The following NTN1 variants were observed in gnomAD, a reference collection of about 807,000 sequenced individuals.
NTN1 encodes netrin 1.
NTN1 carries 11 observed loss-of-function variants against 54.2 expected under a neutral mutation model. The ratio of observed to expected loss-of-function variants is 0.20; its 90% confidence interval spans 0.13 to 0.34. NTN1 has a LOEUF of 0.34. Ranked by LOEUF, NTN1 falls within the 10% of genes least tolerant of loss-of-function variation. NTN1 has a pLI of 1.00. For synonymous variants in NTN1, 371 were observed against 382.0 expected, an observed-to-expected ratio of 0.97 and a Z score of 0.33; for missense variants, 740 against 893.1, an observed-to-expected ratio of 0.83 and a Z score of 2.18.
At chr17:9,229,704 G>T (rs1905740390) in intron 6 of NTN1, among the ~76,000 whole-genome samples, 1 of 152,136 alleles carries the variant, frequency 6.6e-6, no homozygotes, top group African/African-American at 2.4e-5. Context: ...AGAGGCACTG[G>T]GCATAGTGGC....
chr17:9,241,369 A>G lies in NTN1; in HGVS notation c.*1401A>G, dbSNP rs1207760705. Reference sequence around the variant, plus strand: ...CCCAGCCCTCCTTCCAAAATCTCCTAGAGACACGGTCCTCAAGCAGGCAGC... The same window carrying G: ...CCCAGCCCTCCTTCCAAAATCTCCTGGAGACACGGTCCTCAAGCAGGCAGC... On this transcript the variant is annotated 3_prime_UTR_variant, in exon 7 of 7. Coordinates refer to ENST00000173229, the MANE Select transcript of NTN1 (RefSeq NM_004822.3). 6.5e-6 allele frequency: 1 copy of G among 152,688 alleles called. No individual in the cohort carries two copies. The highest frequency in any genetic ancestry group is 6.5e-5 in the Admixed American group (1 of 15,284). 9.5% of individuals were successfully genotyped at this position (152,688 alleles called of 1,614,324 possible). A position where few individuals can be genotyped will look rare whatever the true frequency, so the allele number is the denominator to read the frequency against.
At chr17:9,128,309 CAAAAA>C (rs11356490) in intron 2 of NTN1, among the ~76,000 whole-genome samples, 1 of 124,084 alleles carries the variant, frequency 8.1e-6, no homozygotes, top group Non-Finnish European at 1.7e-5. Context: ...GACTCTGTCT[CAAAAA>C]AAAAAAAAAA....
intron 2 of NTN1, among the ~76,000 whole-genome samples, chr17:9,150,523 G>A (rs2092324372): frequency 1.3e-5 from 2 of 152,342 alleles, no homozygotes; most frequent in Non-Finnish European, 2.9e-5. Context: ...ACTGGAACGT[G>A]GACGGAGGAT....
intron 2 of NTN1, among the ~76,000 whole-genome samples, chr17:9,105,915 A>T (rs1057313645): frequency 8.2e-5 from 12 of 147,164 alleles, no homozygotes; most frequent in Non-Finnish European, 1.2e-4. Flanking sequence ...ATTCCGATTT[A>T]AAAAAAAAAA....
At chr17:9,035,934 A>G (rs956031246) in intron 2 of NTN1, among the ~76,000 whole-genome samples, 4 of 152,206 alleles carry the variant, frequency 2.6e-5, no homozygotes, top group Admixed American at 6.5e-5. Context: ...AGGCATGAGA[A>G]TTGCCTGAAC....
chr17:9,010,145 C>T, the NTN1 span, among the ~76,000 whole-genome samples: 2 of 152,182 alleles, frequency 1.3e-5, no homozygotes, highest in Non-Finnish European at 2.9e-5. Flanking sequence ...ACCATGTCCC[C>T]AAGGATCTTA....
At chr17:9,229,089 TGACTGA>T (rs1905714874) in intron 6 of NTN1, among the ~76,000 whole-genome samples, 1 of 3,468 alleles carries the variant, frequency 2.9e-4, no homozygotes, top group South Asian at 7.6e-3. Context: ...ACTGTGTGTG[TGACTGA>T]GACTGTGACT....
At chr17:9,096,650 C>T (rs887753090) in intron 2 of NTN1, among the ~76,000 whole-genome samples, 6 of 152,254 alleles carry the variant, frequency 3.9e-5, no homozygotes, top group Non-Finnish European at 5.9e-5. Context: ...GGATTACAGG[C>T]GTGAGCCACC....
intron 2 of NTN1, among the ~76,000 whole-genome samples, chr17:9,070,554 T>C (rs1229999985): frequency 6.6e-6 from 1 of 150,386 alleles, no homozygotes; most frequent in African/African-American, 2.5e-5. Flanking sequence ...TGTCGGGTGC[T>C]GTTGCCACTC....
chr17:9,093,740 G>A (rs550892715), intron 2 of NTN1, among the ~76,000 whole-genome samples: 3 of 152,304 alleles, frequency 2.0e-5, no homozygotes, highest in South Asian at 2.1e-4. Flanking sequence ...TTGGGAAGCC[G>A]AGGCAGGTGG....
chr17:9,183,032 T>C (rs1567731859), intron 5 of NTN1, 63 bp downstream of exon 5: 2 of 1,536,386 alleles, frequency 1.3e-6, no homozygotes, highest in South Asian at 2.2e-5. Context: ...GTGGGGTGGG[T>C]TAATGGGGAA....
At chr17:9,147,056 G>A (rs1430285551) in intron 2 of NTN1, among the ~76,000 whole-genome samples, 1 of 152,136 alleles carries the variant, frequency 6.6e-6, no homozygotes, top group African/African-American at 2.4e-5. Flanking sequence ...CTCTCCATGA[G>A]GAAGAGCTTG....
chr17:9,136,139 C>T (rs1005457840), intron 2 of NTN1, among the ~76,000 whole-genome samples: 1 of 152,210 alleles, frequency 6.6e-6, no homozygotes, highest in Non-Finnish European at 1.5e-5. Flanking sequence ...GGAAATGCTC[C>T]AGCAACAGGC....
At chr17:9,026,293 T>C (rs950631135) in intron 2 of NTN1, among the ~76,000 whole-genome samples, 1 of 152,040 alleles carries the variant, frequency 6.6e-6, no homozygotes, top group Non-Finnish European at 1.5e-5. Context: ...TGGTCCAGTT[T>C]TCTTTTCGGT....
chr17:9,146,704 C>G (rs1234570741), intron 2 of NTN1, among the ~76,000 whole-genome samples: 2 of 152,118 alleles, frequency 1.3e-5, no homozygotes, highest in Non-Finnish European at 2.9e-5. Flanking sequence ...TGCTAGTGAG[C>G]TAGGGATTTG....
At chr17:9,046,945 A>G (rs1308889223) in intron 2 of NTN1, among the ~76,000 whole-genome samples, 3 of 152,248 alleles carry the variant, frequency 2.0e-5, no homozygotes, top group East Asian at 3.8e-4. Flanking sequence ...GAGTATCTCA[A>G]TAAAGCAAGT....
intron 2 of NTN1, among the ~76,000 whole-genome samples, chr17:9,115,238 C>T (rs569120141): frequency 2.6e-4 from 40 of 152,268 alleles, no homozygotes; most frequent in African/African-American, 9.4e-4. Context: ...ACCTTAATAC[C>T]GATTCAGTAA....
In NTN1 at chr17:9,214,770, T is replaced by C. The variant is rs561795522; in HGVS notation, c.1412-6398T>C. On this transcript the variant is annotated intron_variant, in intron 5 of 6. Coordinates refer to ENST00000173229, the MANE Select transcript of NTN1 (RefSeq NM_004822.3). ...CCAGGAGGTGGAGGCTGCAGTGAGC[T>C]GAGATCACGCCACTGCACTCCAGCC... 6.2e-4 allele frequency among the ~76,000 whole-genome samples: 94 copies of C among 152,264 alleles called. 1 individual carries two copies. Among genetic ancestry groups the C allele is most frequent in the East Asian group, 5.2e-3 (27 of 5,184 alleles).
intron 2 of NTN1, among the ~76,000 whole-genome samples, chr17:9,085,398 G>T (rs185108394): frequency 1.3e-5 from 2 of 152,192 alleles, no homozygotes; most frequent in Non-Finnish European, 2.9e-5. Flanking sequence ...TGGAAGTTAC[G>T]CGTGTCATTT....
Sources: gnomAD v4.1 joint callset for allele counts (sites outside exome capture counted in the v4.1 genomes callset) on GRCh38, gnomAD v4.1.1 for gene constraint, MANE v1.5 for transcripts, NCBI Gene and HGNC (gene_info 2026-07-23, HGNC 2026-07-21) for gene names.